Variants in ILRUN observed in about 807,000 individuals in gnomAD.
The protein encoded by ILRUN is protein ILRUN.
ILRUN carries 3 observed loss-of-function variants against 33.8 expected under a neutral mutation model. The ratio of observed to expected loss-of-function variants is 0.09; its 90% CI spans 0.04 to 0.23. The LOEUF (loss-of-function observed/expected upper bound fraction) is 0.23, where lower values mean the gene tolerates loss of function less well. ILRUN is among the 10% of genes least tolerant of loss of function. ILRUN has a pLI of 1.00. For missense variants in ILRUN, 210 were observed against 375.1 expected (o/e 0.56, Z 3.64); for synonymous variants, 124 against 138.9 (o/e 0.89, Z 0.75).
intron 4 of ILRUN, among the ~76,000 whole-genome samples, chr6:34,594,050 C>T (rs987358010): frequency 2.0e-5 from 3 of 152,182 alleles, no homozygotes; most frequent in Non-Finnish European, 4.4e-5. Flanking sequence ...TAGCCAACGA[C>T]AATCCCAGCC....
intron 1 of ILRUN, among the ~76,000 whole-genome samples, chr6:34,683,515 C>CAT (rs1554189889): frequency 5.0e-4 from 38 of 76,316 alleles, no homozygotes; most frequent in East Asian, 4.9e-3. Context: ...TATATATATA[C>CAT]ATATATATAT....
intron 3 of ILRUN, among the ~76,000 whole-genome samples, chr6:34,617,672 C>T (rs189504565): frequency 1.3e-5 from 2 of 152,168 alleles, no homozygotes; most frequent in Non-Finnish European, 2.9e-5. Context: ...AGCAGAGTAC[C>T]GCTGAAGGAC....
intron 3 of ILRUN, among the ~76,000 whole-genome samples, chr6:34,634,923 T>C (rs1192592275): frequency 6.6e-6 from 1 of 152,194 alleles, no homozygotes; most frequent in Admixed American, 6.5e-5. Flanking sequence ...AGAGCTGCAC[T>C]GTCCAAAAGA....
chr6:34,629,952 G>A (rs1317497528), intron 3 of ILRUN, among the ~76,000 whole-genome samples: 1 of 152,084 alleles, frequency 6.6e-6, no homozygotes, highest in Non-Finnish European at 1.5e-5. Flanking sequence ...ACATACCTAT[G>A]ATAAATTCTG....
At chr6:34,662,316 AAAAAGAAAAAG>A (rs1172282268) in intron 1 of ILRUN, among the ~76,000 whole-genome samples, 1 of 151,354 alleles carries the variant, frequency 6.6e-6, no homozygotes, top group African/African-American at 2.4e-5. Context: ...AAAAAAAAAA[AAAAAGAAAAAG>A]AAAAGAAAAA....
intron 1 of ILRUN, among the ~76,000 whole-genome samples, chr6:34,692,075 C>T (rs1763660624): frequency 6.6e-6 from 1 of 152,136 alleles, no homozygotes; most frequent in South Asian, 2.1e-4. Flanking sequence ...TTGATCCTTC[C>T]ACCTCAGCCT....
At chr6:34,663,535 C>G (rs1453817790) in intron 1 of ILRUN, among the ~76,000 whole-genome samples, 3 of 152,066 alleles carry the variant, frequency 2.0e-5, no homozygotes, top group East Asian at 1.9e-4. Flanking sequence ...GAGAGAGAGA[C>G]AGACAGGGTC....
intron 1 of ILRUN, among the ~76,000 whole-genome samples, chr6:34,666,719 T>C (rs1310804654): frequency 1.3e-5 from 2 of 149,032 alleles, no homozygotes; most frequent in Non-Finnish European, 3.0e-5. Flanking sequence ...ATATGTGACA[T>C]GTGAGAGAAT....
intron 1 of ILRUN, among the ~76,000 whole-genome samples, chr6:34,683,997 C>T (rs1044063208): frequency 6.6e-6 from 1 of 151,732 alleles, no homozygotes; most frequent in Non-Finnish European, 1.5e-5. Flanking sequence ...CCCAGGGAGG[C>T]ATATGGGGGA....
At chr6:34,637,697 T>C (rs1762390530) in intron 3 of ILRUN, among the ~76,000 whole-genome samples, 1 of 152,202 alleles carries the variant, frequency 6.6e-6, no homozygotes, top group Admixed American at 6.5e-5. Context: ...AGACATTCAA[T>C]ATCTTGCTAA....
In ILRUN at chr6:34,594,963, G is replaced by A. The variant is rs532077012; in HGVS notation, c.862-4363C>T. On this transcript the variant is annotated intron_variant, in intron 4 of 4. Coordinates refer to ENST00000374023, the MANE Select transcript of ILRUN (RefSeq NM_024294.4). ...GCTGGTCTTGAACTCCTGGCCTCAAGTCATCTTCCCACTTTGGCTAAGTGC... is the reference window on the plus strand; with the variant it reads ...GCTGGTCTTGAACTCCTGGCCTCAAATCATCTTCCCACTTTGGCTAAGTGC... 1.6e-4 allele frequency among the ~76,000 whole-genome samples: 25 copies of A among 152,318 alleles called. No homozygotes were observed. The South Asian group carries it at 5.2e-3, about 32-fold the overall frequency.
intron 3 of ILRUN, among the ~76,000 whole-genome samples, chr6:34,628,335 T>C (rs1762180111): frequency 1.3e-5 from 2 of 151,158 alleles, no homozygotes; most frequent in Non-Finnish European, 2.9e-5. Flanking sequence ...TACACTTTTT[T>C]TTTTTTGAGA....
At chr6:34,634,931 A>G (rs1246205663) in intron 3 of ILRUN, among the ~76,000 whole-genome samples, 1 of 152,212 alleles carries the variant, frequency 6.6e-6, no homozygotes, top group East Asian at 1.9e-4. Flanking sequence ...ACTGTCCAAA[A>G]GAGCTGGTGG....
At chr6:34,625,975 C>T (rs868738046) in intron 3 of ILRUN, among the ~76,000 whole-genome samples, 2 of 151,512 alleles carry the variant, frequency 1.3e-5, no homozygotes, top group Non-Finnish European at 2.9e-5. Context: ...CTCAGCCTCC[C>T]GAGTAGCTGG....
chr6:34,660,138 C>CAAAA (rs35747437), intron 1 of ILRUN, among the ~76,000 whole-genome samples: 6 of 132,408 alleles, frequency 4.5e-5, no homozygotes, highest in African/African-American at 1.7e-4. Flanking sequence ...CTCATCCCTT[C>CAAAA]AAAAAAAAAA....
chr6:34,652,691 G>C (rs888977092), intron 2 of ILRUN, among the ~76,000 whole-genome samples: 6 of 152,022 alleles, frequency 3.9e-5, no homozygotes, highest in African/African-American at 1.5e-4. Context: ...TTGCTAGACA[G>C]GGCACCCCCA....
chr6:34,610,973 G>A (rs919629934), intron 3 of ILRUN, among the ~76,000 whole-genome samples: 5 of 152,074 alleles, frequency 3.3e-5, no homozygotes, highest in Non-Finnish European at 7.4e-5. Flanking sequence ...CACTCTGGGT[G>A]GTTGAGGAAC....
intron 3 of ILRUN, among the ~76,000 whole-genome samples, chr6:34,634,326 G>A (rs1369151239): frequency 6.6e-6 from 1 of 151,972 alleles, no homozygotes; most frequent in East Asian, 1.9e-4. Flanking sequence ...CAGAAGTTGT[G>A]GGATTCAACT....
intron 1 of ILRUN, among the ~76,000 whole-genome samples, chr6:34,664,023 G>A (rs1035960444): frequency 1.8e-4 from 28 of 152,170 alleles, no homozygotes; most frequent in African/African-American, 6.3e-4. Context: ...AAACAGGGCC[G>A]TGAGCTAAGG....
Sources: allele counts gnomAD v4.1 joint callset (sites outside exome capture counted in the v4.1 genomes callset), GRCh38; gene constraint gnomAD v4.1.1; transcripts MANE v1.5; gene names NCBI Gene and HGNC (gene_info 2026-07-23, HGNC 2026-07-21).